Variants in VPS13D observed in about 807,000 individuals in gnomAD.
VPS13D encodes vacuolar protein sorting 13 homolog D.
In VPS13D, 187 loss-of-function variants were observed where a neutral mutation model predicts 461.9. The ratio of observed to expected loss-of-function variants is 0.40; its 90% CI spans 0.36 to 0.46. VPS13D has a LOEUF of 0.46. Among genes scored for constraint, VPS13D ranks in the 20% least tolerant of loss-of-function variants. VPS13D has a pLI of 0.60. For synonymous variants in VPS13D, 1,951 were observed against 1,986.3 expected, an observed-to-expected ratio of 0.98 and a Z score of 0.47; for missense variants, 4,711 against 5,364.9, an observed-to-expected ratio of 0.88 and a Z score of 3.81.
Position 12,267,022 on chromosome 1 carries a change from C to A in VPS13D, c.1725+11C>A. The A allele has an allele frequency of 6.4e-7, 1 of 1,562,390 alleles. No individual in the cohort carries two copies. The highest frequency in any genetic ancestry group is 8.6e-7 in the Non-Finnish European group (1 of 1,159,578). On this transcript the variant is annotated intron_variant, in intron 14 of 69. Coordinates refer to ENST00000620676, the MANE Select transcript of VPS13D (RefSeq NM_015378.4). ...GTCTTCCCTAATCCAGTATGTACAA[C>A]AGTTGGATAGTTAATGTATCTAAGG... is the stretch of plus-strand genomic sequence containing the variant.
chr1:12,399,995 AT>A (rs1400182799), intron 60 of VPS13D, among the ~76,000 whole-genome samples, 185 bp from the exon 61 acceptor site: 1 of 152,202 alleles, frequency 6.6e-6, no homozygotes, highest in African/African-American at 2.4e-5. Flanking sequence ...GAAATTTAGC[AT>A]CTGTTATTAT....
chr1:12,469,283 A>G (rs998346220), intron 67 of VPS13D, among the ~76,000 whole-genome samples: 2 of 152,336 alleles, frequency 1.3e-5, no homozygotes, highest in South Asian at 4.1e-4. Context: ...ATGTACTTAT[A>G]TATGAATTTA....
intron 54 of VPS13D, among the ~76,000 whole-genome samples, chr1:12,371,161 A>G (rs1184604747): frequency 6.6e-6 from 1 of 152,056 alleles, no homozygotes. Flanking sequence ...AGTTCAGAGC[A>G]TTTTTATCAC....
chr1:12,333,160 A>T, intron 37 of VPS13D, 66 bp from the exon 38 acceptor site: 5 of 1,536,180 alleles, frequency 3.3e-6, no homozygotes, highest in Non-Finnish European at 4.4e-6. Flanking sequence ...AACATTTGCG[A>T]GCAGTGTTCC....
intron 67 of VPS13D, among the ~76,000 whole-genome samples, chr1:12,486,555 G>A (rs541702307): frequency 5.9e-5 from 9 of 152,134 alleles, no homozygotes; most frequent in Non-Finnish European, 1.3e-4. Flanking sequence ...AAGTGCAGAC[G>A]GTGCACGTTC....
intron 67 of VPS13D, among the ~76,000 whole-genome samples, chr1:12,488,881 C>T (rs1419842418): frequency 6.6e-6 from 1 of 152,158 alleles, no homozygotes; most frequent in Non-Finnish European, 1.5e-5. Context: ...ATAAGCACTA[C>T]ACTCTCTGAC....
intron 26 of VPS13D, among the ~76,000 whole-genome samples, chr1:12,307,494 A>G (rs979646916): frequency 4.0e-5 from 6 of 151,860 alleles, no homozygotes; most frequent in Admixed American, 6.6e-5. Context: ...TACAGAAATA[A>G]TTTTGTTTCT....
At chr1:12,369,923 G>GT (rs1363644136) in intron 54 of VPS13D, among the ~76,000 whole-genome samples, 1 of 152,154 alleles carries the variant, frequency 6.6e-6, no homozygotes, top group Non-Finnish European at 1.5e-5. Flanking sequence ...CCCTTCTTGT[G>GT]TTAAAGATCT....
chr1:12,353,217 CTTG>C (rs1213846331), intron 46 of VPS13D, among the ~76,000 whole-genome samples: 2 of 151,906 alleles, frequency 1.3e-5, no homozygotes, highest in African/African-American at 4.8e-5. Flanking sequence ...ATGGCTGAAT[CTTG>C]TTGAGACTTT....
chr1:12,319,571 C>G lies in VPS13D; in HGVS notation c.7489C>G (p.Leu2497Val). Residue 2497 changes from leucine (L) to valine (V), a missense_variant, in exon 32 of 70, where the codon CTC (leucine) becomes GTC (valine). By Grantham distance (32) the Leu-to-Val change is conservative. This residue lies in a region of VPS13D where 4,411 missense variants were observed against 4,937.8 expected (regional missense o/e 0.89). Transcript: ENST00000620676. ...CATTATTCTGAAAGGCACCACAGTG[C>G]TCACCTATAAGCCCCGGTTTGTTGA... The part of the protein sequence containing the change: ...NAIILKGTTV[L>V]TYKPRFVDRP... The G allele has an allele frequency of 6.2e-7, 1 of 1,614,202 alleles. No individual in the cohort carries two copies. The highest frequency in any genetic ancestry group is 8.5e-7 in the Non-Finnish European group (1 of 1,180,036).
chr1:12,425,562 TAA>T (rs79970313), intron 65 of VPS13D, among the ~76,000 whole-genome samples: 9 of 142,606 alleles, frequency 6.3e-5, no homozygotes, highest in Admixed American at 7.1e-5. Flanking sequence ...GTTTCTGTCT[TAA>T]AAAAAAAAAA....
At chr1:12,304,357 G>A in intron 25 of VPS13D, 149 bp from the exon 26 acceptor site, 2 of 676,064 alleles carry the variant, frequency 3.0e-6, no homozygotes, top group Non-Finnish European at 4.9e-6. Flanking sequence ...TATGGGATCT[G>A]GGAGGCTGAG....
At chr1:12,258,672 G>A (rs996861260) in intron 10 of VPS13D, among the ~76,000 whole-genome samples, 2 of 152,210 alleles carry the variant, frequency 1.3e-5, no homozygotes, top group African/African-American at 4.8e-5. Context: ...GCTCTCTTTT[G>A]GGGGAAGGTA....
chr1:12,487,347 C>T (rs918060621), intron 67 of VPS13D, among the ~76,000 whole-genome samples: 4 of 152,126 alleles, frequency 2.6e-5, no homozygotes, highest in Admixed American at 6.5e-5. Flanking sequence ...CGGTGGCTCA[C>T]GCCTGTAATC....
At position 12,277,959 on chromosome 1, in the gene VPS13D, C is replaced by T. The variant is rs72866608; in HGVS notation, c.4371C>T (p.Ser1457=). ...SEGSRMFCPP[S]GSGSANSQEE... is the part of the protein sequence containing the mutation. ...GAAGCCGGATGTTTTGCCCACCTTCCGGGTCTGGCAGTGCCAACAGTCAGG... is the reference window on the plus strand; with the variant it reads ...GAAGCCGGATGTTTTGCCCACCTTCTGGGTCTGGCAGTGCCAACAGTCAGG... Residue 1457 remains serine, a synonymous_variant, in exon 19 of 70, where the codon TCC becomes TCT. Coordinates refer to ENST00000620676, the MANE Select transcript of VPS13D (RefSeq NM_015378.4). 1.7e-3 allele frequency: 2,667 copies of T among 1,614,178 alleles called. 37 individuals are homozygous for T. The African/African-American group carries it at 0.031, about 19-fold the overall frequency.
intron 22 of VPS13D, 89 bp from the exon 23 acceptor site, chr1:12,290,909 A>G: frequency 1.6e-6 from 2 of 1,276,434 alleles, no homozygotes; most frequent in Non-Finnish European, 1.0e-6. Context: ...AGTCTGAGGC[A>G]TGTGTATACC....
chr1:12,490,966 A>G (rs868345311), intron 67 of VPS13D, among the ~76,000 whole-genome samples: 1 of 152,204 alleles, frequency 6.6e-6, no homozygotes. Context: ...AGACAGTACT[A>G]TTTAGACAGA....
At chr1:12,417,267 A>G (rs1161236278) in intron 65 of VPS13D, among the ~76,000 whole-genome samples, 1 of 152,168 alleles carries the variant, frequency 6.6e-6, no homozygotes, top group Non-Finnish European at 1.5e-5. Context: ...CTTTTAAGCC[A>G]CCTGAAACCA....
At position 12,476,955 on chromosome 1, in the gene VPS13D, G is replaced by A. The variant is rs75965755; in HGVS notation, c.12662+16559G>A. Among the ~76,000 whole-genome samples, 334 of 152,336 alleles carry A rather than the reference G, an allele frequency of 2.2e-3. 10 individuals carry two copies. In the East Asian group the frequency reaches 0.056, roughly 26 times the overall value. ...AATACATAGCTTAACTTCGAAGGAGGAAGCGTGACTTTTCACCTGCAGATA... is the reference window on the plus strand; with the variant it reads ...AATACATAGCTTAACTTCGAAGGAGAAAGCGTGACTTTTCACCTGCAGATA... On this transcript the variant is annotated intron_variant, in intron 67 of 69. Transcript: ENST00000620676.
Sources: allele counts gnomAD v4.1 joint callset (sites outside exome capture counted in the v4.1 genomes callset), GRCh38; gene constraint gnomAD v4.1.1; regional missense constraint gnomAD v4.1.1; transcripts MANE v1.5; gene names NCBI Gene and HGNC (gene_info 2026-07-23, HGNC 2026-07-21).